RASGRP3: variants seen among roughly 807,000 people sequenced by gnomAD.
RASGRP3 encodes the protein RAS guanyl releasing protein 3.
A neutral mutation model predicts 82.7 loss-of-function variants in RASGRP3; 54 were observed. The observed-to-expected ratio is 0.65, with a 90% CI of 0.52 to 0.82. RASGRP3 has a LOEUF of 0.82. Ranked by LOEUF, RASGRP3 falls within the 40% of genes least tolerant of loss-of-function variation. The pLI is 0.00. For synonymous variants in RASGRP3, 309 were observed against 300.5 expected, an observed-to-expected ratio of 1.03 and a Z score of -0.29; for missense variants, 861 against 828.9, an observed-to-expected ratio of 1.04 and a Z score of -0.48.
At chr2:33,515,308 C>G (rs947760279) in intron 3 of RASGRP3, 102 bp downstream of exon 3, 15 of 1,295,846 alleles carry the variant, frequency 1.2e-5, no homozygotes, top group Middle Eastern at 1.9e-4. Context: ...AGTCTCTGTA[C>G]CTTGGTATTT....
chr2:33,477,549 G>A (rs1558420191), intron 1 of RASGRP3, among the ~76,000 whole-genome samples: 1 of 152,202 alleles, frequency 6.6e-6, no homozygotes, highest in Non-Finnish European at 1.5e-5. Flanking sequence ...TGGGAGGCCT[G>A]GCATCCAAAT....
chr2:33,490,798 T>C (rs947952726), intron 1 of RASGRP3, among the ~76,000 whole-genome samples: 4 of 152,172 alleles, frequency 2.6e-5, no homozygotes, highest in African/African-American at 9.7e-5. Context: ...CCAAATTGTA[T>C]ATGTAACTGC....
chr2:33,528,202 A>G (rs2087814549), intron 10 of RASGRP3, among the ~76,000 whole-genome samples: 1 of 152,194 alleles, frequency 6.6e-6, no homozygotes, highest in African/African-American at 2.4e-5. Context: ...TTATCTGTTT[A>G]TCTGCCTTAC....
chr2:33,559,062 A>C, intron 17 of RASGRP3, 32 bp downstream of exon 17: 2 of 1,518,932 alleles, frequency 1.3e-6, no homozygotes, highest in Non-Finnish European at 1.8e-6. Flanking sequence ...AAAGAAAACC[A>C]GAAGAAGGAG....
intron 1 of RASGRP3, among the ~76,000 whole-genome samples, chr2:33,491,545 C>T (rs1028804080): frequency 1.3e-5 from 2 of 152,042 alleles, no homozygotes; most frequent in Non-Finnish European, 2.9e-5. Flanking sequence ...TTTTTAATAT[C>T]CTGTGGAGAA....
intron 12 of RASGRP3, among the ~76,000 whole-genome samples, chr2:33,542,291 ACT>A (rs948408004): frequency 6.9e-6 from 1 of 144,558 alleles, no homozygotes; most frequent in Non-Finnish European, 1.6e-5. Flanking sequence ...TCAGGACTCC[ACT>A]CTCTGTGGTA....
intron 2 of RASGRP3, among the ~76,000 whole-genome samples, chr2:33,451,423 A>G (rs1665795485): frequency 6.6e-6 from 1 of 151,720 alleles, no homozygotes; most frequent in African/African-American, 2.4e-5. Flanking sequence ...TGCAATCTCA[A>G]CTCTCTGTGT....
At chr2:33,530,874 A>G (rs560330562) in intron 10 of RASGRP3, 1 of 152,282 alleles carries the variant, frequency 6.6e-6, no homozygotes, top group South Asian at 2.1e-4. Context: ...GAATATCTGG[A>G]GAGGACATTT....
At chr2:33,489,040 A>T (rs1668629921) in intron 1 of RASGRP3, among the ~76,000 whole-genome samples, 1 of 152,098 alleles carries the variant, frequency 6.6e-6, no homozygotes, top group African/African-American at 2.4e-5. Flanking sequence ...TGCCTTCCGA[A>T]GGACATTTGG....
At chr2:33,502,522 G>A (rs1342094753) in intron 1 of RASGRP3, among the ~76,000 whole-genome samples, 1 of 135,332 alleles carries the variant, frequency 7.4e-6, no homozygotes, top group East Asian at 2.1e-4. Context: ...TTTTGAGATG[G>A]AATTTCTCTC....
At chr2:33,516,951 T>G (rs1207878183) in intron 4 of RASGRP3, among the ~76,000 whole-genome samples, 1 of 152,212 alleles carries the variant, frequency 6.6e-6, no homozygotes, top group Non-Finnish European at 1.5e-5. Flanking sequence ...GAGAGAATAT[T>G]TAACAATGAT....
At chr2:33,463,829 T>C (rs897646526) in intron 2 of RASGRP3, among the ~76,000 whole-genome samples, 3 of 151,832 alleles carry the variant, frequency 2.0e-5, no homozygotes, top group Non-Finnish European at 4.4e-5. Flanking sequence ...CTTGAACTCC[T>C]GACCTCGTGA....
intron 2 of RASGRP3, among the ~76,000 whole-genome samples, chr2:33,457,410 G>A (rs1049221168): frequency 6.6e-6 from 1 of 151,812 alleles, no homozygotes; most frequent in East Asian, 1.9e-4. Flanking sequence ...ATAAAAATGG[G>A]GCTAAATGCA....
At chr2:33,465,215 T>G (rs1666624280) in intron 2 of RASGRP3, among the ~76,000 whole-genome samples, 1 of 152,216 alleles carries the variant, frequency 6.6e-6, no homozygotes, top group Non-Finnish European at 1.5e-5. Context: ...GAAGAAAGTT[T>G]TAGTGGTCTG....
Position 33,520,586 on chromosome 2 carries a change from T to C in RASGRP3, c.270T>C (p.Asn90=), listed in dbSNP as rs775258860. The change falls in exon 6 of 18, where the codon AAT becomes AAC. Residue 90 remains asparagine, a synonymous_variant. Coordinates refer to ENST00000403687, the MANE Select transcript of RASGRP3 (RefSeq NM_001139488.2). Reference sequence around the variant, plus strand: ...TTCTGAAGTTTCCTGCAGAGTTTAATTTGGATCTTGGTTTGATTCGTATGA... The same window carrying C: ...TTCTGAAGTTTCCTGCAGAGTTTAACTTGGATCTTGGTTTGATTCGTATGA... ...YWILKFPAEF[N]LDLGLIRMTE... 2.5e-6 allele frequency: 4 copies of C among 1,614,036 alleles called. No individual in the cohort carries two copies. The East Asian group carries it at 6.7e-5, about 27-fold the overall frequency.
intron 1 of RASGRP3, among the ~76,000 whole-genome samples, chr2:33,477,799 A>AG (rs1443368510): frequency 6.6e-6 from 1 of 152,224 alleles, no homozygotes; most frequent in Non-Finnish European, 1.5e-5. Flanking sequence ...CAGAGGCTGC[A>AG]GGGAGATAAC....
At position 33,541,774 on chromosome 2, in the gene RASGRP3, C is replaced by CTT. The variant is rs57124690; in HGVS notation, c.1279-1733_1279-1732dup. 1.4e-3 allele frequency among the ~76,000 whole-genome samples: 210 copies of CTT among 145,900 alleles called. 5 individuals are homozygous for CTT. The highest frequency in any genetic ancestry group is 5.2e-3 in the African/African-American group (208 of 40,290). ...TTTATCTTAAAATTTGTTAATTGAGCTTTTTTGGTTCAATTTTTTTGCATT... is the reference window on the plus strand; with the variant it reads ...TTTATCTTAAAATTTGTTAATTGAGCTTTTTTTTGGTTCAATTTTTTTGCATT... On this transcript the variant is annotated intron_variant, in intron 12 of 17. Transcript: ENST00000403687.
At chr2:33,549,131 A>G (rs1390800807) in intron 13 of RASGRP3, among the ~76,000 whole-genome samples, 2 of 152,220 alleles carry the variant, frequency 1.3e-5, no homozygotes, top group African/African-American at 4.8e-5. Context: ...GCTATGAGCC[A>G]CTAAGATATG....
At chr2:33,553,599 T>C (rs979907093) in intron 14 of RASGRP3, among the ~76,000 whole-genome samples, 2 of 152,184 alleles carry the variant, frequency 1.3e-5, no homozygotes, top group African/African-American at 4.8e-5. Context: ...GATCAAGCTG[T>C]GATGATCCTG....
Sources: gnomAD v4.1 joint callset for allele counts (sites outside exome capture counted in the v4.1 genomes callset) on GRCh38, gnomAD v4.1.1 for gene constraint, MANE v1.5 for transcripts, NCBI Gene and HGNC (gene_info 2026-07-23, HGNC 2026-07-21) for gene names.